Variants in TENM1 observed in about 807,000 individuals in gnomAD.
TENM1 encodes teneurin transmembrane protein 1, also known as teneurin-1.
Under a neutral mutation model 174.8 loss-of-function variants are expected in TENM1, and 35 were observed. The ratio of observed to expected loss-of-function variants is 0.20; its 90% confidence interval spans 0.15 to 0.27. TENM1 has a LOEUF of 0.27. TENM1 is among the 10% of genes least tolerant of loss of function. TENM1 has a pLI of 1.00. For missense variants in TENM1, 1,633 were observed against 2,130.1 expected (o/e 0.77, Z 4.59); for synonymous variants, 781 against 798.7 (o/e 0.98, Z 0.37).
chrX:125,136,409 T>G, the TENM1 span, among the ~76,000 whole-genome samples: 1 of 112,073 alleles, frequency 8.9e-6, no homozygotes, highest in East Asian at 2.8e-4. Flanking sequence ...CATCATCTCC[T>G]TTAATTCTTA....
chrX:124,982,270 G>GAAAAAAAAAAAAAAAAAAAA, the TENM1 span, among the ~76,000 whole-genome samples: 1 of 10,555 alleles, frequency 9.5e-5, no homozygotes, highest in African/African-American at 8.1e-4. Context: ...AAGAAAATGT[G>GAAAAAAAAAAAAAAAAAAAA]AAAAAAAAAA....
intron 1 of TENM1, among the ~76,000 whole-genome samples, chrX:124,898,768 C>T (rs1249039876): frequency 1.8e-5 from 2 of 111,545 alleles, no homozygotes; most frequent in African/African-American, 3.3e-5. Flanking sequence ...GGATTTGCTC[C>T]CTTCTAAGAA....
intron 1 of TENM1, among the ~76,000 whole-genome samples, chrX:124,951,673 T>TATATATATATATA (rs767583231): frequency 1.2e-4 from 8 of 66,072 alleles, no homozygotes; most frequent in East Asian, 1.0e-3. Flanking sequence ...TATATATATA[T>TATATATATATATA]AACAATCAAT....
chrX:124,883,627 G>A (rs1432301929), intron 3 of TENM1, among the ~76,000 whole-genome samples: 1 of 112,472 alleles, frequency 8.9e-6, no homozygotes, highest in African/African-American at 3.2e-5. Context: ...GCCAGCAGGT[G>A]TGGCATGGAC....
At chrX:124,991,498 C>CAG in the TENM1 span, among the ~76,000 whole-genome samples, 1 of 104,927 alleles carries the variant, frequency 9.5e-6, no homozygotes, top group South Asian at 4.2e-4. Flanking sequence ...GGGAGAGAGA[C>CAG]AGAGAGAGAC....
At chrX:124,842,596 G>C (rs1157992774) in intron 3 of TENM1, among the ~76,000 whole-genome samples, 1 of 110,660 alleles carries the variant, frequency 9.0e-6, no homozygotes, top group Non-Finnish European at 1.9e-5. Context: ...TTTTGTGTGG[G>C]GTCTCTTCTG....
At chrX:124,437,609 TG>T (rs1245412561) in intron 23 of TENM1, among the ~76,000 whole-genome samples, 2 of 112,115 alleles carry the variant, frequency 1.8e-5, no homozygotes, top group African/African-American at 6.5e-5. Flanking sequence ...AAATGGTTCA[TG>T]AAGTTGCCCC....
At chrX:124,486,101 C>A (rs1445751382) in intron 21 of TENM1, among the ~76,000 whole-genome samples, 1 of 111,643 alleles carries the variant, frequency 9.0e-6, no homozygotes, top group Non-Finnish European at 1.9e-5. Flanking sequence ...AGGCTGATTT[C>A]TTTCTACTTT....
the TENM1 span, among the ~76,000 whole-genome samples, chrX:125,078,559 A>G: frequency 2.7e-5 from 3 of 111,532 alleles, no homozygotes; most frequent in East Asian, 5.6e-4. Flanking sequence ...CATGCTTTCC[A>G]TTTATTTCAC....
intron 4 of TENM1, among the ~76,000 whole-genome samples, chrX:124,734,515 T>G (rs2148545979): frequency 8.9e-6 from 1 of 111,794 alleles, no homozygotes; most frequent in African/African-American, 3.2e-5. Flanking sequence ...AGTATAGTTC[T>G]AATTGGGTTA....
At chrX:124,713,088 C>T (rs950903478) in intron 4 of TENM1, among the ~76,000 whole-genome samples, 1 of 111,083 alleles carries the variant, frequency 9.0e-6, no homozygotes, top group Non-Finnish European at 1.9e-5. Context: ...ACCTCGGACG[C>T]CAAGTGTTGA....
intron 1 of TENM1, among the ~76,000 whole-genome samples, chrX:124,905,683 C>G (rs1398712751): frequency 1.8e-5 from 2 of 111,576 alleles, no homozygotes; most frequent in Non-Finnish European, 3.8e-5. Flanking sequence ...GTTGAGAAGA[C>G]TAAGCTGGTA....
At chrX:125,102,469 A>G in the TENM1 span, among the ~76,000 whole-genome samples, 7,823 of 111,333 alleles carry the variant, frequency 0.07, 214 homozygotes, top group Middle Eastern at 0.15. Flanking sequence ...CAGTAAAAGA[A>G]TCTACATGAG....
the TENM1 span, among the ~76,000 whole-genome samples, chrX:125,101,776 T>C: frequency 8.9e-6 from 1 of 112,283 alleles, no homozygotes; most frequent in African/African-American, 3.2e-5. Flanking sequence ...TTTTTCTTTT[T>C]CAAGAAACTA....
At chrX:125,168,787 T>A in the TENM1 span, among the ~76,000 whole-genome samples, 1 of 111,342 alleles carries the variant, frequency 9.0e-6, no homozygotes, top group Non-Finnish European at 1.9e-5. Flanking sequence ...AGTGGACACT[T>A]CCCTAGTTGA....
chrX:124,985,968 A>T, the TENM1 span, among the ~76,000 whole-genome samples: 1 of 111,796 alleles, frequency 8.9e-6, no homozygotes, highest in East Asian at 2.8e-4. Context: ...GGTCATTAAA[A>T]GTTTGCAATG....
At chrX:125,161,441 C>A in the TENM1 span, among the ~76,000 whole-genome samples, 1 of 85,707 alleles carries the variant, frequency 1.2e-5, no homozygotes, top group Non-Finnish European at 2.3e-5. Context: ...ACATAGAGGG[C>A]TGACTGCTCA....
intron 11 of TENM1, among the ~76,000 whole-genome samples, chrX:124,618,917 C>T (rs2050454769): frequency 9.0e-6 from 1 of 111,047 alleles, no homozygotes; most frequent in Admixed American, 9.6e-5. Context: ...CCTGTCTCTA[C>T]AAAAAATTTT....
intron 15 of TENM1, among the ~76,000 whole-genome samples, chrX:124,535,472 C>G (rs780943499): frequency 4.5e-5 from 5 of 111,596 alleles, no homozygotes; most frequent in African/African-American, 1.6e-4. Context: ...TTGAAACTGT[C>G]ATGACAAAAG....
Sources: gnomAD v4.1 joint callset for allele counts (sites outside exome capture counted in the v4.1 genomes callset) on GRCh38, gnomAD v4.1.1 for gene constraint, MANE v1.5 for transcripts, NCBI Gene and HGNC (gene_info 2026-07-23, HGNC 2026-07-21) for gene names.